Variants in FHOD3 observed in about 807,000 individuals in gnomAD.
FHOD3 encodes the protein formin homology 2 domain containing 3, also known as FH1/FH2 domain-containing protein 3.
FHOD3 carries 90 observed loss-of-function variants against 173.0 expected under a neutral mutation model. The observed-to-expected ratio is 0.52, with a 90% CI of 0.44 to 0.62. FHOD3 has a LOEUF of 0.62. Among genes scored for constraint, FHOD3 ranks in the 20% least tolerant of loss-of-function variants. The pLI, the probability that FHOD3 is intolerant of heterozygous loss-of-function variation, is 0.00. For missense variants in FHOD3, 1,945 were observed against 2,034.7 expected, an observed-to-expected ratio of 0.96 and a Z score of 0.85; for synonymous variants, 828 against 823.0, an observed-to-expected ratio of 1.01 and a Z score of -0.10.
At chr18:36,708,823 C>T (rs2040016912) in intron 17 of FHOD3, among the ~76,000 whole-genome samples, 1 of 152,208 alleles carries the variant, frequency 6.6e-6, no homozygotes, top group African/African-American at 2.4e-5. Flanking sequence ...TTGGAAAACT[C>T]TCTGCCTTTA....
Position 36,297,854 on chromosome 18 carries a change from C to G in FHOD3, c.19C>G (p.Arg7Gly). Reference sequence around the variant, plus strand: ...ATGCATCATGGCCACGCTGGCTTGCCGGGTGCAGTTCTTGGACGACACGGA... The same window carrying G: ...ATGCATCATGGCCACGCTGGCTTGCGGGGTGCAGTTCTTGGACGACACGGA... MATLAC[R>G]VQFLDDTDPF... Residue 7 changes from arginine to glycine, a missense_variant, in exon 1 of 29, where the codon CGG (arginine) becomes GGG (glycine). Coordinates refer to ENST00000590592, the MANE Select transcript of FHOD3 (RefSeq NM_001281740.3). The G allele has an allele frequency of 1.3e-6, 2 of 1,533,398 alleles. No individual in the cohort carries two copies. Among genetic ancestry groups the G allele is most frequent in the Non-Finnish European group, 1.8e-6 (2 of 1,140,070 alleles). The allele number at this position is 1,533,398 out of a possible 1,614,324, so 95.0% of individuals were successfully genotyped here.
chr18:36,537,424 G>A (rs138474571), intron 5 of FHOD3, among the ~76,000 whole-genome samples: 2,290 of 152,208 alleles, frequency 0.015, 48 homozygotes, highest in African/African-American at 0.05. Context: ...CTGGTGGTAA[G>A]GGCACCCCCC....
intron 8 of FHOD3, among the ~76,000 whole-genome samples, chr18:36,606,688 C>A (rs1318414426): frequency 6.6e-6 from 1 of 152,128 alleles, no homozygotes; most frequent in East Asian, 1.9e-4. Context: ...ATAGGTAAGA[C>A]TCAAGGCACG....
chr18:36,642,409 G>A (rs909320372), intron 10 of FHOD3, among the ~76,000 whole-genome samples: 1 of 151,994 alleles, frequency 6.6e-6, no homozygotes, highest in African/African-American at 2.4e-5. Context: ...CACGAGGTCA[G>A]GAGATCGAGA....
In FHOD3 at chr18:36,536,088, C is replaced by T. The variant is rs188446285; in HGVS notation, c.511+23545C>T. Among the ~76,000 whole-genome samples, 9 of 152,266 alleles carry T rather than the reference C, an allele frequency of 5.9e-5. No individual in the cohort carries two copies. In the East Asian group the frequency reaches 1.5e-3, roughly 26 times the overall value. ...GTCCAAAGTTAGTGTTTTCTGTCAT[C>T]AAATTGATTATAAATGTTTATCTGT... is the stretch of plus-strand genomic sequence containing the variant. On this transcript the variant is annotated intron_variant, in intron 5 of 28. Coordinates refer to ENST00000590592, the MANE Select transcript of FHOD3 (RefSeq NM_001281740.3).
chr18:36,298,118 G>T (rs1258575254), intron 1 of FHOD3, 118 bp downstream of exon 1: 3 of 954,948 alleles, frequency 3.1e-6, no homozygotes, highest in Non-Finnish European at 4.3e-6. Flanking sequence ...GGCCCGGGGG[G>T]ACCATCGCTC....
chr18:36,542,254 A>G (rs1239480488), intron 5 of FHOD3, among the ~76,000 whole-genome samples: 1 of 152,166 alleles, frequency 6.6e-6, no homozygotes, highest in Admixed American at 6.5e-5. Flanking sequence ...AGCATCACCC[A>G]TCATGATGTC....
At chr18:36,580,830 A>G (rs2058824198) in intron 6 of FHOD3, among the ~76,000 whole-genome samples, 1 of 152,242 alleles carries the variant, frequency 6.6e-6, no homozygotes, top group African/African-American at 2.4e-5. Context: ...AGAAATCAGC[A>G]AAGCCAGGGG....
intron 17 of FHOD3, among the ~76,000 whole-genome samples, chr18:36,705,169 TTAGAG>T (rs946195878): frequency 1.7e-4 from 26 of 152,276 alleles, no homozygotes; most frequent in African/African-American, 6.0e-4. Flanking sequence ...ATCACTGTCC[TTAGAG>T]TAAAGTCCCA....
At chr18:36,343,880 A>G (rs143712040) in intron 1 of FHOD3, among the ~76,000 whole-genome samples, 3 of 152,250 alleles carry the variant, frequency 2.0e-5, no homozygotes, top group African/African-American at 7.2e-5. Context: ...AGGCAAATCT[A>G]TAGAGACAGA....
In FHOD3 at chr18:36,453,458, G is replaced by A. The variant is rs1185888868; in HGVS notation, c.338-48474G>A. Among the ~76,000 whole-genome samples, 4 of 152,228 alleles carry A rather than the reference G, an allele frequency of 2.6e-5. No homozygotes were observed. The East Asian group carries it at 7.7e-4, about 29-fold the overall frequency. On this transcript the variant is annotated intron_variant, in intron 3 of 28. Transcript: ENST00000590592. ...CTGCAACTAACTCCAAATGAAATCT[G>A]CCTCTCACTGCACATGGCTTTTACA...
At chr18:36,395,392 T>G (rs1406793917) in intron 3 of FHOD3, among the ~76,000 whole-genome samples, 1 of 152,210 alleles carries the variant, frequency 6.6e-6, no homozygotes, top group Non-Finnish European at 1.5e-5. Context: ...ACTTTAGCTG[T>G]CATTTTCTCT....
chr18:36,720,659 T>C (rs1391423707), intron 19 of FHOD3, among the ~76,000 whole-genome samples: 1 of 152,046 alleles, frequency 6.6e-6, no homozygotes, highest in Non-Finnish European at 1.5e-5. Flanking sequence ...CCTTCCAACC[T>C]ACTGACCTAA....
intron 5 of FHOD3, among the ~76,000 whole-genome samples, chr18:36,542,661 G>GA (rs1210357532): frequency 1.3e-5 from 2 of 152,012 alleles, no homozygotes; most frequent in Admixed American, 6.5e-5. Context: ...TCAAAAGTTT[G>GA]AAAAAAATGG....
chr18:36,760,916 T>G (rs1216579698), intron 27 of FHOD3, 134 bp downstream of exon 27: 1 of 865,822 alleles, frequency 1.2e-6, no homozygotes, highest in African/African-American at 1.7e-5. Context: ...CCACACACAT[T>G]CCCTCACTAG....
At chr18:36,356,163 A>T (rs1315435678) in intron 2 of FHOD3, among the ~76,000 whole-genome samples, 3 of 152,264 alleles carry the variant, frequency 2.0e-5, no homozygotes, top group African/African-American at 7.2e-5. Flanking sequence ...TAGATATTGT[A>T]TTCAATGATA....
chr18:36,626,292 C>T (rs1328282433), intron 10 of FHOD3, among the ~76,000 whole-genome samples: 1 of 152,124 alleles, frequency 6.6e-6, no homozygotes, highest in Non-Finnish European at 1.5e-5. Flanking sequence ...GCCAGGACTA[C>T]TTGAAGCCAT....
At chr18:36,497,876 C>T (rs2054829665) in intron 3 of FHOD3, among the ~76,000 whole-genome samples, 1 of 152,136 alleles carries the variant, frequency 6.6e-6, no homozygotes, top group African/African-American at 2.4e-5. Flanking sequence ...ATTTATAGAA[C>T]AGCCACTCAA....
At chr18:36,556,321 T>C (rs903343425) in intron 5 of FHOD3, among the ~76,000 whole-genome samples, 3 of 152,162 alleles carry the variant, frequency 2.0e-5, no homozygotes, top group Admixed American at 6.5e-5. Context: ...ATCAGCAGGT[T>C]CCTCATCTCC....
Sources: allele counts gnomAD v4.1 joint callset (sites outside exome capture counted in the v4.1 genomes callset), GRCh38; gene constraint gnomAD v4.1.1; transcripts MANE v1.5; gene names NCBI Gene and HGNC (gene_info 2026-07-23, HGNC 2026-07-21).